FGF13: variants seen among roughly 807,000 people sequenced by gnomAD.
The protein encoded by FGF13 is fibroblast growth factor homologous factor 2.
FGF13 carries 2 observed loss-of-function variants against 19.5 expected under a neutral mutation model. The observed-to-expected ratio is 0.10, with a 90% CI of 0.04 to 0.32. The LOEUF is 0.32. FGF13 is among the 10% of genes least tolerant of loss of function. The probability of loss-of-function intolerance (pLI) is 1.00; values close to 1 mark genes in which losing one functional copy is unlikely to be tolerated. For missense variants in FGF13, 113 were observed against 192.7 expected, an observed-to-expected ratio of 0.59 and a Z score of 2.45; for synonymous variants, 72 against 76.9, an observed-to-expected ratio of 0.94 and a Z score of 0.33.
chrX:139,050,797 T>G (rs2092301376), intron 1 of FGF13, among the ~76,000 whole-genome samples: 1 of 112,413 alleles, frequency 8.9e-6, no homozygotes, highest in Admixed American at 9.4e-5. Flanking sequence ...TCATAGTTAA[T>G]TCAGATTGCC....
intron 3 of FGF13, among the ~76,000 whole-genome samples, chrX:138,837,848 G>A (rs182843070): frequency 1.8e-5 from 2 of 112,532 alleles, no homozygotes; most frequent in African/African-American, 6.5e-5. Context: ...CCTCACTCTG[G>A]GTTCTCTGTC....
intron 3 of FGF13, among the ~76,000 whole-genome samples, chrX:138,648,474 A>G (rs1015360545): frequency 2.7e-5 from 3 of 111,161 alleles, no homozygotes; most frequent in Non-Finnish European, 5.7e-5. Flanking sequence ...AAAGTAGGAG[A>G]TATTTTTTTC....
intron 3 of FGF13, among the ~76,000 whole-genome samples, chrX:138,850,601 T>C (rs889224808): frequency 1.8e-5 from 2 of 112,271 alleles, no homozygotes; most frequent in African/African-American, 3.2e-5. Flanking sequence ...TTGTGTCATT[T>C]TGTGATCCTT....
At chrX:138,711,804 C>T, upstream of FGF13, 1 of 340,370 alleles carries the variant, frequency 2.9e-6, no homozygotes, top group South Asian at 1.6e-4. Context: ...CCCTCCCACC[C>T]CCACCCCCAC....
intron 1 of FGF13, among the ~76,000 whole-genome samples, chrX:138,985,763 A>T (rs1243216500): frequency 8.9e-6 from 1 of 112,419 alleles, no homozygotes; most frequent in Admixed American, 9.4e-5. Flanking sequence ...AAATAAGTAA[A>T]TAGTAAATAA....
intron 3 of FGF13, among the ~76,000 whole-genome samples, chrX:138,749,322 TACACACACACACAC>T (rs34038080): frequency 3.4e-4 from 28 of 81,690 alleles, no homozygotes; most frequent in Admixed American, 9.7e-4. Flanking sequence ...GAGACCAAAA[TACACACACACACAC>T]ACACACACAC....
At chrX:138,902,295 A>G (rs1413557592) in intron 1 of FGF13, among the ~76,000 whole-genome samples, 1 of 112,293 alleles carries the variant, frequency 8.9e-6, no homozygotes, top group Non-Finnish European at 1.9e-5. Context: ...AGCAAGGGAT[A>G]AATGTTGCAC....
intron 3 of FGF13, among the ~76,000 whole-genome samples, chrX:138,680,400 A>G (rs2089716337): frequency 8.9e-6 from 1 of 112,010 alleles, no homozygotes; most frequent in South Asian, 3.7e-4. Context: ...GGCCTTATGA[A>G]AAGTATTTCT....
At chrX:138,953,014 T>G (rs1023361921) in intron 1 of FGF13, among the ~76,000 whole-genome samples, 92 of 111,801 alleles carry the variant, frequency 8.2e-4, no homozygotes, top group African/African-American at 2.7e-3. Flanking sequence ...GTGGAAGTCA[T>G]TGTGGTGATT....
chrX:139,107,436 C>T (rs954354116), intron 1 of FGF13, among the ~76,000 whole-genome samples: 2 of 112,236 alleles, frequency 1.8e-5, no homozygotes, highest in African/African-American at 6.5e-5. Context: ...ATAAAATATG[C>T]TGATCCTGAA....
At chrX:139,011,425 T>C (rs1469751772) in intron 1 of FGF13, among the ~76,000 whole-genome samples, 1 of 105,813 alleles carries the variant, frequency 9.5e-6, no homozygotes, top group Non-Finnish European at 1.9e-5. Context: ...TGAAAATAGA[T>C]GCAAAAATCC....
At chrX:139,165,832 G>T (rs1268824514) in intron 1 of FGF13, among the ~76,000 whole-genome samples, 1 of 111,846 alleles carries the variant, frequency 8.9e-6, no homozygotes, top group Non-Finnish European at 1.9e-5. Context: ...TCTCCACTTA[G>T]ATTTCAAAAG....
chrX:139,099,140 G>T (rs984745141), intron 1 of FGF13, among the ~76,000 whole-genome samples: 3 of 110,659 alleles, frequency 2.7e-5, no homozygotes, highest in Non-Finnish European at 5.7e-5. Flanking sequence ...ATGGACACAC[G>T]CATCTTAGCC....
chrX:138,863,238 C>G (rs2091298808), intron 2 of FGF13, among the ~76,000 whole-genome samples: 1 of 111,323 alleles, frequency 9.0e-6, no homozygotes, highest in Non-Finnish European at 1.9e-5. Context: ...ATATAAGCCC[C>G]CTGAGGCAGA....
At chrX:138,799,557 C>A (rs887763466) in intron 3 of FGF13, among the ~76,000 whole-genome samples, 2 of 111,235 alleles carry the variant, frequency 1.8e-5, no homozygotes, top group Admixed American at 1.9e-4. Flanking sequence ...GTGGAGAGTT[C>A]TGTTGATGTC....
intron 1 of FGF13, among the ~76,000 whole-genome samples, chrX:139,146,198 G>A (rs1472893105): frequency 8.9e-6 from 1 of 111,762 alleles, no homozygotes; most frequent in Non-Finnish European, 1.9e-5. Context: ...CAGAATGGGA[G>A]AAAATTTTTG....
chrX:138,992,243 T>C (rs1271422849), intron 1 of FGF13, among the ~76,000 whole-genome samples: 1 of 111,557 alleles, frequency 9.0e-6, no homozygotes, highest in South Asian at 3.7e-4. Context: ...ATTAGTCTTT[T>C]GTGATATGGT....
intron 1 of FGF13, among the ~76,000 whole-genome samples, chrX:139,033,540 T>G (rs774525137): frequency 8.9e-5 from 10 of 111,806 alleles, no homozygotes; most frequent in Non-Finnish European, 1.9e-4. Context: ...TGTTAGGAAG[T>G]AGAAAGATGA....
At chrX:138,959,134 T>C (rs1351081546) in intron 1 of FGF13, among the ~76,000 whole-genome samples, 1 of 112,047 alleles carries the variant, frequency 8.9e-6, no homozygotes, top group Non-Finnish European at 1.9e-5. Context: ...TTTTAGATCT[T>C]TCCTGCTTTC....
Sources: allele counts gnomAD v4.1 joint callset (sites outside exome capture counted in the v4.1 genomes callset), GRCh38; gene constraint gnomAD v4.1.1; transcripts MANE v1.5; gene names NCBI Gene and HGNC (gene_info 2026-07-23, HGNC 2026-07-21).